The following DTWD2 variants were observed in gnomAD, a reference collection of about 807,000 sequenced individuals.
DTWD2 encodes the protein tRNA-uridine aminocarboxypropyltransferase 2.
DTWD2 carries 39 observed loss-of-function variants against 31.8 expected under a neutral mutation model. The observed-to-expected ratio is 1.22, with a 90% CI of 0.95 to 1.60. DTWD2 has a LOEUF of 1.60. DTWD2 is among the 40% of genes most tolerant of loss of function. The pLI, the probability that DTWD2 is intolerant of heterozygous loss-of-function variation, is 0.00. For missense variants in DTWD2, 515 were observed against 381.5 expected (o/e 1.35, Z -2.92); for synonymous variants, 180 against 142.8 (o/e 1.26, Z -1.86).
intron 1 of DTWD2, among the ~76,000 whole-genome samples, chr5:118,958,133 A>T (rs534536884): frequency 2.6e-5 from 4 of 152,240 alleles, no homozygotes; most frequent in African/African-American, 9.6e-5. Flanking sequence ...TGAAACCACA[A>T]GTTGGTTATT....
chr5:118,954,064 A>C (rs1754526331), intron 1 of DTWD2, among the ~76,000 whole-genome samples: 1 of 152,174 alleles, frequency 6.6e-6, no homozygotes, highest in Non-Finnish European at 1.5e-5. Context: ...TGAGCACAGG[A>C]ATTCGAGATC....
intron 1 of DTWD2, among the ~76,000 whole-genome samples, chr5:118,979,665 T>C (rs903638598): frequency 4.6e-5 from 7 of 152,262 alleles, no homozygotes; most frequent in African/African-American, 1.4e-4. Flanking sequence ...TAGAATACTA[T>C]GCAGCCATAA....
intron 4 of DTWD2, among the ~76,000 whole-genome samples, chr5:118,877,784 T>C (rs1467369235): frequency 1.3e-4 from 20 of 152,162 alleles, no homozygotes; most frequent in Admixed American, 1.2e-3. Flanking sequence ...CATGATCCTA[T>C]AGCTAGAAAA....
intron 5 of DTWD2, among the ~76,000 whole-genome samples, chr5:118,847,682 C>A (rs368236302): frequency 6.6e-6 from 1 of 150,408 alleles, no homozygotes; most frequent in African/African-American, 2.4e-5. Context: ...AGTTAGTATA[C>A]GGCACCAAGG....
At chr5:118,939,470 C>T (rs982994777) in intron 2 of DTWD2, among the ~76,000 whole-genome samples, 180 bp from the exon 3 acceptor site, 1 of 152,084 alleles carries the variant, frequency 6.6e-6, no homozygotes, top group African/African-American at 2.4e-5. Context: ...AACCATAACA[C>T]AAGCATACAT....
chr5:118,985,517 T>TATACAC (rs1554072595), intron 1 of DTWD2, among the ~76,000 whole-genome samples: 72 of 107,738 alleles, frequency 6.7e-4, no homozygotes, highest in African/African-American at 2.1e-3. Context: ...TATATATATA[T>TATACAC]ACACACACAT....
chr5:118,844,381 A>G (rs975733080), intron 5 of DTWD2, among the ~76,000 whole-genome samples: 7 of 152,208 alleles, frequency 4.6e-5, no homozygotes, highest in Non-Finnish European at 8.8e-5. Flanking sequence ...AAGGCTTCCA[A>G]GGTATGAAAA....
At chr5:118,842,951 C>T (rs1229528637) in intron 5 of DTWD2, among the ~76,000 whole-genome samples, 4 of 139,792 alleles carry the variant, frequency 2.9e-5, no homozygotes, top group African/African-American at 1.1e-4. Context: ...TTTCTTCTTC[C>T]TCTTTTTTTT....
chr5:118,890,793 T>A (rs2149560046), intron 4 of DTWD2, among the ~76,000 whole-genome samples: 1 of 152,216 alleles, frequency 6.6e-6, no homozygotes, highest in South Asian at 2.1e-4. Flanking sequence ...ATGGTCTCGA[T>A]CTCTTGACCT....
At chr5:118,915,420 G>A (rs182342440) in intron 4 of DTWD2, among the ~76,000 whole-genome samples, 73 of 150,456 alleles carry the variant, frequency 4.9e-4, no homozygotes, top group African/African-American at 1.7e-3. Flanking sequence ...TGTCGCCCAG[G>A]CTGGAGTGCA....
intron 1 of DTWD2, among the ~76,000 whole-genome samples, chr5:118,949,081 G>A (rs770348064): frequency 2.0e-5 from 3 of 151,866 alleles, no homozygotes; most frequent in Non-Finnish European, 2.9e-5. Flanking sequence ...GAGGATACGC[G>A]ATATTCTTTT....
chr5:118,938,643 G>C (rs1754104686), intron 3 of DTWD2, among the ~76,000 whole-genome samples: 1 of 152,120 alleles, frequency 6.6e-6, no homozygotes, highest in African/African-American at 2.4e-5. Context: ...GAGCCCAGGA[G>C]GTGGAGGCTG....
intron 4 of DTWD2, among the ~76,000 whole-genome samples, chr5:118,900,558 A>G (rs1753181979): frequency 1.3e-5 from 2 of 152,228 alleles, no homozygotes; most frequent in Admixed American, 6.5e-5. Context: ...TACAAAAAAG[A>G]TAAAGTATTT....
rs190595445 is a variant in DTWD2 at position 118,970,393 on chromosome 5, C to T, written c.218+17901G>A. Among the ~76,000 whole-genome samples the T allele has an allele frequency of 1.2e-3, 185 of 152,202 alleles. 1 individual carries two copies. The highest frequency in any genetic ancestry group is 4.4e-3 in the African/African-American group (181 of 41,508). The stretch of plus-strand genomic sequence containing the variant: ...AGTGAACCAAGATTGCACCACGGCA[C>T]TCCAGCCTGCTAATAAAGCGAGACT... On this transcript the variant is annotated intron_variant, in intron 1 of 5. Transcript: ENST00000510708.
chr5:118,896,852 A>C (rs1312334768), intron 4 of DTWD2, among the ~76,000 whole-genome samples: 1 of 152,140 alleles, frequency 6.6e-6, no homozygotes, highest in Non-Finnish European at 1.5e-5. Context: ...GCTGAGTACA[A>C]CCTTTCACCC....
At chr5:118,863,446 T>C (rs1752312661) in intron 4 of DTWD2, among the ~76,000 whole-genome samples, 1 of 152,324 alleles carries the variant, frequency 6.6e-6, no homozygotes, top group Non-Finnish European at 1.5e-5. Context: ...TCCTTTCCTA[T>C]AAGAAGGAAT....
chr5:118,986,054 G>A (rs957719001), intron 1 of DTWD2, among the ~76,000 whole-genome samples: 31 of 152,022 alleles, frequency 2.0e-4, no homozygotes, highest in African/African-American at 7.5e-4. Context: ...AATATTTGTT[G>A]AACAACTGAA....
chr5:118,894,704 A>G (rs1364780553), intron 4 of DTWD2, among the ~76,000 whole-genome samples: 2 of 152,226 alleles, frequency 1.3e-5, no homozygotes, highest in Non-Finnish European at 2.9e-5. Flanking sequence ...AAGGAATACA[A>G]GCATGTTCAA....
intron 4 of DTWD2, among the ~76,000 whole-genome samples, chr5:118,893,998 G>T (rs540871499): frequency 6.7e-6 from 1 of 150,274 alleles, no homozygotes; most frequent in African/African-American, 2.5e-5. Flanking sequence ...AATTTGTGCT[G>T]CACCAGGCAC....
Sources: gnomAD v4.1 joint callset for allele counts (sites outside exome capture counted in the v4.1 genomes callset) on GRCh38, gnomAD v4.1.1 for gene constraint, MANE v1.5 for transcripts, NCBI Gene and HGNC (gene_info 2026-07-23, HGNC 2026-07-21) for gene names.